Variants in TEX10 observed in about 807,000 individuals in gnomAD.
TEX10 encodes testis expressed 10.
A neutral mutation model predicts 104.4 loss-of-function variants in TEX10; 24 were observed. That is an observed-to-expected ratio of 0.23 (90% CI 0.17 to 0.32). The LOEUF is 0.32. Among genes scored for constraint, TEX10 ranks in the 10% least tolerant of loss-of-function variants. TEX10 has a pLI of 1.00. For missense variants in TEX10, 921 were observed against 1,083.9 expected (o/e 0.85, Z 2.11); for synonymous variants, 396 against 393.4 (o/e 1.01, Z -0.08).
intron 5 of TEX10, among the ~76,000 whole-genome samples, chr9:100,331,783 T>G (rs1411522643): frequency 6.6e-6 from 1 of 152,102 alleles, no homozygotes; most frequent in Non-Finnish European, 1.5e-5. Context: ...TTACAGCCTA[T>G]AAACAAAGAA....
At position 100,340,304 on chromosome 9, in the gene TEX10, A is replaced by G; in HGVS notation, c.1203T>C (p.Tyr401=). Reference sequence around the variant, plus strand: ...TGTGCTTGGTTATTTCTTTTAAGACATATGGAAAACGACTCATAAAATGGT... The same window carrying G: ...TGTGCTTGGTTATTTCTTTTAAGACGTATGGAAAACGACTCATAAAATGGT... ...FKHHFMSRFP[Y]VLKEITKHKR... The change falls in exon 5 of 15, where the codon TAT becomes TAC. Residue 401 remains tyrosine (Y), a synonymous_variant. Transcript: ENST00000374902. 18 of 1,578,356 alleles carry G rather than the reference A, an allele frequency of 1.1e-5. No homozygotes were observed. The highest frequency in any genetic ancestry group is 1.5e-5 in the Non-Finnish European group (17 of 1,168,378).
chr9:100,336,947 C>T (rs566731855), intron 5 of TEX10, among the ~76,000 whole-genome samples: 1 of 152,156 alleles, frequency 6.6e-6, no homozygotes, highest in Admixed American at 6.5e-5. Flanking sequence ...TGCTAAAAAT[C>T]CCTCAATTTC....
In TEX10 at chr9:100,336,129, T is replaced by C. The variant is rs376890889; in HGVS notation, c.1250+4128A>G. Among the ~76,000 whole-genome samples the C allele has an allele frequency of 1.6e-4, 24 of 152,130 alleles. No homozygotes were observed. The East Asian group carries it at 2.9e-3, about 18-fold the overall frequency. ...TTGCAGTGAGCTGAGATAGTGCCAC[T>C]GCACTCCAGCCTGGGCAACAAGAAT... is the stretch of plus-strand genomic sequence containing the variant. On this transcript the variant is annotated intron_variant, in intron 5 of 14. Coordinates refer to ENST00000374902, the MANE Select transcript of TEX10 (RefSeq NM_017746.4).
chr9:100,302,270 A>C lies in TEX10; in HGVS notation c.2711T>G (p.Leu904Arg). 1 of 1,613,830 alleles carries C rather than the reference A, an allele frequency of 6.2e-7. No homozygotes were observed. Residue 904 changes from leucine (L) to arginine (R), a missense_variant, in exon 15 of 15, where the codon CTC becomes CGC. Coordinates refer to ENST00000374902, the MANE Select transcript of TEX10 (RefSeq NM_017746.4). ...GTTGAAGCAGTAATGTAAGTCTGTG[A>C]GCCACTGTTCCTGAACACTTCCACT... The part of the protein sequence containing the change: ...LKSGSVQEQW[L>R]TDLHYCFNVY...
At chr9:100,325,911 G>T (rs1834695315) in intron 9 of TEX10, among the ~76,000 whole-genome samples, 1 of 152,132 alleles carries the variant, frequency 6.6e-6, no homozygotes, top group African/African-American at 2.4e-5. Context: ...GAGATTACAA[G>T]TGATTCCTGG....
At position 100,318,821 on chromosome 9, in the gene TEX10, C is replaced by T. The variant is rs1218700005; in HGVS notation, c.2202+1444G>A. On this transcript the variant is annotated intron_variant, in intron 11 of 14. Transcript: ENST00000374902. The stretch of plus-strand genomic sequence containing the variant: ...CCATATGCCTACAGCCCCAGCTACT[C>T]AGAAGGCTGAGGCAGGAGGATCACT... 5.3e-5 allele frequency among the ~76,000 whole-genome samples: 8 copies of T among 152,292 alleles called. 1 individual carries two copies. In the East Asian group the frequency reaches 1.5e-3, roughly 29 times the overall value.
chr9:100,328,450 C>T (rs1006806454), intron 7 of TEX10, among the ~76,000 whole-genome samples: 2 of 152,188 alleles, frequency 1.3e-5, no homozygotes, highest in African/African-American at 4.8e-5. Flanking sequence ...AGTCTCAGCT[C>T]TGCTATACAT....
chr9:100,350,235 A>T (rs1293119599), intron 1 of TEX10, among the ~76,000 whole-genome samples: 1 of 152,036 alleles, frequency 6.6e-6, no homozygotes, highest in Non-Finnish European at 1.5e-5. Context: ...CACTACTTTC[A>T]AGAAGTCCTT....
intron 5 of TEX10, among the ~76,000 whole-genome samples, chr9:100,338,272 C>A (rs1008513373): frequency 6.6e-6 from 1 of 152,170 alleles, no homozygotes; most frequent in Non-Finnish European, 1.5e-5. Context: ...CCATAGCAGA[C>A]TCCAGTTTGT....
At chr9:100,312,250 A>G (rs1834300390) in intron 11 of TEX10, among the ~76,000 whole-genome samples, 2 of 152,206 alleles carry the variant, frequency 1.3e-5, no homozygotes, top group Non-Finnish European at 2.9e-5. Flanking sequence ...TCTAAAGCCA[A>G]TGGCTGGAGC....
At chr9:100,327,299 CTGTACATTGTAA>C (rs1834730971) in intron 8 of TEX10, among the ~76,000 whole-genome samples, 1 of 151,744 alleles carries the variant, frequency 6.6e-6, no homozygotes, top group African/African-American at 2.4e-5. Context: ...ATTCATTGAA[CTGTACATTGTAA>C]AATGGTGAAT....
At chr9:100,339,141 C>G (rs12344032) in intron 5 of TEX10, among the ~76,000 whole-genome samples, 1 of 145,790 alleles carries the variant, frequency 6.9e-6, no homozygotes, top group Non-Finnish European at 1.5e-5. Flanking sequence ...GTAATCCCAG[C>G]TACTTGGGAG....
intron 13 of TEX10, chr9:100,305,578 T>C (rs1225015049): frequency 5.3e-5 from 8 of 152,190 alleles, no homozygotes; most frequent in Non-Finnish European, 1.2e-4. Context: ...TTTTCTACTT[T>C]TCTTAATTTG....
intron 11 of TEX10, among the ~76,000 whole-genome samples, chr9:100,318,475 G>C (rs1036920987): frequency 2.0e-5 from 3 of 152,268 alleles, no homozygotes; most frequent in Non-Finnish European, 2.9e-5. Context: ...TGAATGGGTG[G>C]GAGTGGGGTG....
rs577141319 is a variant in TEX10 at position 100,320,381 on chromosome 9, A to C, written c.2086T>G (p.Leu696Val). 63 of 1,610,164 alleles carry C rather than the reference A, an allele frequency of 3.9e-5. No homozygotes were observed. The highest frequency in any genetic ancestry group is 5.2e-5 in the Non-Finnish European group (61 of 1,178,270). The change falls in exon 11 of 15, where the codon TTG (leucine) becomes GTG (valine). Residue 696 changes from leucine to valine, a missense_variant. Leu to Val is a conservative substitution (Grantham distance 32). Coordinates refer to ENST00000374902, the MANE Select transcript of TEX10 (RefSeq NM_017746.4). ...STLTGFSKEE[L>V]TWLQSLRGVP... Reference sequence around the variant, plus strand: ...CCTCGAAGGCTCTGAAGCCAAGTCAACTCCTCTTTCGAAAACCCTAATTCA... The same window carrying C: ...CCTCGAAGGCTCTGAAGCCAAGTCACCTCCTCTTTCGAAAACCCTAATTCA...
chr9:100,341,498 C>T lies in TEX10; in HGVS notation c.1138-1129G>A, dbSNP rs373503175. ...CAAATGACTTTCTTTCTCATTTGGG[C>T]GATGTAACACTGGCATCATCCTTGA... On this transcript the variant is annotated intron_variant, in intron 4 of 14. Transcript: ENST00000374902. Among the ~76,000 whole-genome samples the T allele has an allele frequency of 2.4e-4, 30 of 123,546 alleles. 1 individual carries two copies. The highest frequency in any genetic ancestry group is 8.8e-4 in the African/African-American group (27 of 30,688). The allele number at this position is 123,546 out of a possible 152,430, so 81.1% of individuals were successfully genotyped here.
At chr9:100,314,301 T>C (rs1834358844) in intron 11 of TEX10, among the ~76,000 whole-genome samples, 1 of 152,126 alleles carries the variant, frequency 6.6e-6, no homozygotes, top group Non-Finnish European at 1.5e-5. Flanking sequence ...TTGCTCAGGC[T>C]GGTCTTGAAC....
At chr9:100,334,681 C>CGGAAAAAAAAAAAAAAGAACAAAA in intron 5 of TEX10, among the ~76,000 whole-genome samples, 1 of 143,996 alleles carries the variant, frequency 6.9e-6, no homozygotes, top group Non-Finnish European at 1.5e-5. Context: ...TTTTTTTTTC[C>CGGAAAAAAAAAAAAAAGAACAAAA]TGAGACAGAG....
chr9:100,320,474 T>C (rs1489022246), intron 10 of TEX10, 76 bp from the exon 11 acceptor site: 5 of 1,460,442 alleles, frequency 3.4e-6, no homozygotes. Context: ...AAAACAGAGA[T>C]GACATATGCC....
Sources: gnomAD v4.1 joint callset for allele counts (sites outside exome capture counted in the v4.1 genomes callset) on GRCh38, gnomAD v4.1.1 for gene constraint, MANE v1.5 for transcripts, NCBI Gene and HGNC (gene_info 2026-07-23, HGNC 2026-07-21) for gene names.